Variants in TBC1D5 observed in about 807,000 individuals in gnomAD.
TBC1D5 encodes TBC1 domain family member 5.
A neutral mutation model predicts 100.3 loss-of-function variants in TBC1D5; 75 were observed. The ratio of observed to expected loss-of-function variants is 0.75; its 90% confidence interval spans 0.62 to 0.91. TBC1D5 has a LOEUF of 0.91. TBC1D5 is among the 40% of genes least tolerant of loss of function. The probability of loss-of-function intolerance (pLI) is 0.00; values close to 1 mark genes in which losing one functional copy is unlikely to be tolerated. For synonymous variants in TBC1D5, 323 were observed against 325.6 expected (o/e 0.99, Z 0.09); for missense variants, 910 against 942.4 (o/e 0.97, Z 0.45).
At chr3:17,385,734 T>C (rs900928613) in intron 8 of TBC1D5, among the ~76,000 whole-genome samples, 1 of 151,996 alleles carries the variant, frequency 6.6e-6, no homozygotes, top group Non-Finnish European at 1.5e-5. Context: ...AGGAAGCCTC[T>C]TTTTGGGGGG....
chr3:17,213,374 T>C (rs1009947461), intron 18 of TBC1D5, among the ~76,000 whole-genome samples: 2 of 152,202 alleles, frequency 1.3e-5, no homozygotes, highest in African/African-American at 4.8e-5. Context: ...TTATAAAATG[T>C]GGTTAAACGT....
intron 1 of TBC1D5, among the ~76,000 whole-genome samples, chr3:17,704,441 C>T (rs1488386843): frequency 6.7e-6 from 1 of 149,722 alleles, no homozygotes; most frequent in African/African-American, 2.4e-5. Context: ...GTTGGGCACA[C>T]CTCCCAGACG....
chr3:17,687,764 A>G (rs2070524008), intron 1 of TBC1D5, among the ~76,000 whole-genome samples: 1 of 152,192 alleles, frequency 6.6e-6, no homozygotes, highest in Non-Finnish European at 1.5e-5. Context: ...ATCTCACACA[A>G]TATTCCACCT....
chr3:17,158,915 C>G (rs957559835), exon 22 of TBC1D5: 5 of 152,246 alleles, frequency 3.3e-5, no homozygotes, highest in African/African-American at 9.7e-5. Flanking sequence ...AACAGCTCTA[C>G]ACCTCTTACC....
intron 18 of TBC1D5, among the ~76,000 whole-genome samples, chr3:17,194,763 A>G (rs2733528): frequency 0.4 from 61,550 of 152,066 alleles, 13,132 homozygotes; most frequent in Middle Eastern, 0.5. Context: ...TAGCCTTTAG[A>G]AACATGCTTT....
intron 1 of TBC1D5, among the ~76,000 whole-genome samples, chr3:17,651,576 G>A (rs1452870627): frequency 6.6e-6 from 1 of 152,074 alleles, no homozygotes; most frequent in African/African-American, 2.4e-5. Flanking sequence ...TCGGGCATGC[G>A]CCTGTGATCC....
At chr3:17,463,348 G>A (rs1347756575) in intron 3 of TBC1D5, among the ~76,000 whole-genome samples, 1 of 152,102 alleles carries the variant, frequency 6.6e-6, no homozygotes, top group Non-Finnish European at 1.5e-5. Flanking sequence ...GGGTTCCATT[G>A]GATTGGATAC....
chr3:17,207,755 T>C (rs1399590599), intron 18 of TBC1D5, among the ~76,000 whole-genome samples: 2 of 152,256 alleles, frequency 1.3e-5, no homozygotes, highest in East Asian at 1.9e-4. Context: ...CATACCTATA[T>C]AGATTTTGAC....
intron 16 of TBC1D5, among the ~76,000 whole-genome samples, chr3:17,240,194 C>T (rs2076195061): frequency 1.3e-5 from 2 of 152,052 alleles, no homozygotes; most frequent in Admixed American, 1.3e-4. Flanking sequence ...TTCTCTAATG[C>T]TACTAGCTAA....
intron 15 of TBC1D5, among the ~76,000 whole-genome samples, chr3:17,288,657 A>G (rs1362691474): frequency 6.6e-6 from 1 of 152,156 alleles, no homozygotes; most frequent in Non-Finnish European, 1.5e-5. Context: ...CCACATGGAG[A>G]GAAACCACCC....
chr3:17,382,722 A>C (rs2092996499), intron 9 of TBC1D5, among the ~76,000 whole-genome samples: 1 of 151,868 alleles, frequency 6.6e-6, no homozygotes, highest in South Asian at 2.1e-4. Flanking sequence ...CACCATGCCC[A>C]GCTAATTTTG....
intron 1 of TBC1D5, among the ~76,000 whole-genome samples, chr3:17,735,259 TG>T (rs2076872335): frequency 6.6e-6 from 1 of 152,156 alleles, no homozygotes; most frequent in Non-Finnish European, 1.5e-5. Flanking sequence ...GAAATCTAGG[TG>T]TCTAAGAATG....
At chr3:17,435,556 T>G (rs2094520484) in intron 3 of TBC1D5, among the ~76,000 whole-genome samples, 1 of 152,124 alleles carries the variant, frequency 6.6e-6, no homozygotes, top group African/African-American at 2.4e-5. Context: ...TCACATAATA[T>G]CACAAGAACA....
intron 15 of TBC1D5, among the ~76,000 whole-genome samples, chr3:17,279,442 C>G (rs2080349070): frequency 6.6e-6 from 1 of 152,210 alleles, no homozygotes; most frequent in Non-Finnish European, 1.5e-5. Flanking sequence ...GGTGATCGCT[C>G]ATGACTGGCT....
chr3:17,553,537 T>G (rs1050465031), intron 2 of TBC1D5, among the ~76,000 whole-genome samples: 1 of 152,200 alleles, frequency 6.6e-6, no homozygotes, highest in Non-Finnish European at 1.5e-5. Flanking sequence ...CACATATATA[T>G]GTACATGTCC....
intron 3 of TBC1D5, among the ~76,000 whole-genome samples, chr3:17,455,463 T>G (rs1276784901): frequency 6.8e-6 from 1 of 146,872 alleles, no homozygotes; most frequent in Non-Finnish European, 1.5e-5. Flanking sequence ...TGTGTGTATA[T>G]ATATGTGTAT....
chr3:17,446,562 T>C (rs1028716996), intron 3 of TBC1D5, among the ~76,000 whole-genome samples: 1 of 152,172 alleles, frequency 6.6e-6, no homozygotes, highest in African/African-American at 2.4e-5. Context: ...AAATGTAATC[T>C]GGAATGTCAG....
chr3:17,505,367 T>C (rs552954099), intron 3 of TBC1D5, among the ~76,000 whole-genome samples: 16 of 152,286 alleles, frequency 1.1e-4, no homozygotes, highest in African/African-American at 3.8e-4. Flanking sequence ...CCTTTGCCTT[T>C]TGCCATGATT....
chr3:17,343,853 T>G (rs1252807843), intron 13 of TBC1D5, among the ~76,000 whole-genome samples: 1 of 152,194 alleles, frequency 6.6e-6, no homozygotes, highest in African/African-American at 2.4e-5. Context: ...TTGATTCTTC[T>G]CTCTTTTCTT....
Sources: gnomAD v4.1 joint callset for allele counts (sites outside exome capture counted in the v4.1 genomes callset) on GRCh38, gnomAD v4.1.1 for gene constraint, MANE v1.5 for transcripts, NCBI Gene and HGNC (gene_info 2026-07-23, HGNC 2026-07-21) for gene names.